Variants in NKAIN2 observed in about 807,000 individuals in gnomAD.
NKAIN2 encodes sodium/potassium transporting ATPase interacting 2.
In NKAIN2, 14 loss-of-function variants were observed where a neutral mutation model predicts 32.6. The ratio of observed to expected loss-of-function variants is 0.43; its 90% CI spans 0.28 to 0.67. The LOEUF is 0.67. Ranked by LOEUF, NKAIN2 falls within the 30% of genes least tolerant of loss-of-function variation. NKAIN2 has a pLI of 0.17. For missense variants in NKAIN2, 198 were observed against 258.3 expected, an observed-to-expected ratio of 0.77 and a Z score of 1.60; for synonymous variants, 80 against 87.2, an observed-to-expected ratio of 0.92 and a Z score of 0.46.
At chr6:124,336,670 TTTTTTTTGTTTG>T (rs1562497160) in intron 2 of NKAIN2, among the ~76,000 whole-genome samples, 3 of 146,726 alleles carry the variant, frequency 2.0e-5, no homozygotes, top group Non-Finnish European at 4.6e-5. Context: ...AATAGTTTGT[TTTTTTTTGTTTG>T]TTTTTTTTTT....
chr6:124,429,785 G>A (rs1025867045), intron 3 of NKAIN2, among the ~76,000 whole-genome samples: 4 of 152,136 alleles, frequency 2.6e-5, no homozygotes, highest in African/African-American at 9.7e-5. Context: ...GTCTCTAGCA[G>A]CTACTGCTCC....
chr6:124,820,512 AT>A (rs1283108685), intron 6 of NKAIN2, among the ~76,000 whole-genome samples: 5 of 152,232 alleles, frequency 3.3e-5, no homozygotes, highest in African/African-American at 1.2e-4. Context: ...TGGTAGAATA[AT>A]GCTTGTGTTA....
At chr6:124,331,747 C>G (rs992112543) in intron 2 of NKAIN2, among the ~76,000 whole-genome samples, 6 of 152,064 alleles carry the variant, frequency 3.9e-5, no homozygotes, top group Non-Finnish European at 8.8e-5. Context: ...ACTAAGAAGC[C>G]TCATACATAG....
chr6:124,649,591 C>T (rs1784294087), intron 3 of NKAIN2, among the ~76,000 whole-genome samples: 1 of 152,128 alleles, frequency 6.6e-6, no homozygotes, highest in African/African-American at 2.4e-5. Context: ...GAAGCAGAGA[C>T]ACTAACTTCG....
intron 1 of NKAIN2, among the ~76,000 whole-genome samples, chr6:123,913,803 GA>G (rs1391153367): frequency 6.6e-6 from 1 of 152,026 alleles, no homozygotes; most frequent in East Asian, 1.9e-4. Flanking sequence ...GTTACTGAAA[GA>G]AAAGAGAAAA....
At chr6:123,975,795 C>T (rs777558094) in intron 1 of NKAIN2, among the ~76,000 whole-genome samples, 1 of 152,068 alleles carries the variant, frequency 6.6e-6, no homozygotes, top group Non-Finnish European at 1.5e-5. Context: ...AAAGGCCCTA[C>T]CTCCTTTCAC....
chr6:124,561,249 T>A (rs549420325), intron 3 of NKAIN2, among the ~76,000 whole-genome samples: 1 of 152,288 alleles, frequency 6.6e-6, no homozygotes, highest in East Asian at 1.9e-4. Flanking sequence ...AATAATCAGT[T>A]TTAACACATT....
intron 2 of NKAIN2, among the ~76,000 whole-genome samples, chr6:124,322,407 G>A (rs540364136): frequency 1.8e-4 from 27 of 152,102 alleles, no homozygotes; most frequent in Admixed American, 1.0e-3. Context: ...TAACTATAGC[G>A]CAATATCCAA....
At chr6:124,040,813 T>G (rs1452093688) in intron 1 of NKAIN2, among the ~76,000 whole-genome samples, 1 of 151,992 alleles carries the variant, frequency 6.6e-6, no homozygotes, top group Non-Finnish European at 1.5e-5. Context: ...AAAAAGGGAA[T>G]GAAAGTGGTA....
rs546905777 is a variant in NKAIN2 at position 124,438,265 on chromosome 6, G to T, written c.273+82918G>T. On this transcript the variant is annotated intron_variant, in intron 3 of 6. Coordinates refer to ENST00000368417, the MANE Select transcript of NKAIN2 (RefSeq NM_001040214.3). ...TTTAACTTATTTCTGCTTCTATAAT[G>T]TTTTTTTTCCAAACACTTCACCTTA... Among the ~76,000 whole-genome samples, 8 of 151,714 alleles carry T rather than the reference G, an allele frequency of 5.3e-5. No individual in the cohort carries two copies. The South Asian group carries it at 1.7e-3, about 32-fold the overall frequency.
chr6:124,342,942 T>C (rs2115090579), intron 2 of NKAIN2, among the ~76,000 whole-genome samples: 1 of 151,358 alleles, frequency 6.6e-6, no homozygotes, highest in East Asian at 2.0e-4. Flanking sequence ...TAACTCATCA[T>C]TTAGCATTAG....
At chr6:124,176,000 G>T (rs2114521300) in intron 1 of NKAIN2, among the ~76,000 whole-genome samples, 1 of 152,112 alleles carries the variant, frequency 6.6e-6, no homozygotes, top group East Asian at 1.9e-4. Flanking sequence ...TCTAGTTTAT[G>T]CAGACTTACC....
chr6:124,687,853 A>G (rs1218544994), intron 4 of NKAIN2, among the ~76,000 whole-genome samples: 1 of 150,032 alleles, frequency 6.7e-6, no homozygotes, highest in Admixed American at 6.8e-5. Context: ...AAAGTATGCA[A>G]TACTGGAGAG....
chr6:124,270,827 T>G (rs1794725805), intron 1 of NKAIN2, among the ~76,000 whole-genome samples: 1 of 152,208 alleles, frequency 6.6e-6, no homozygotes. Flanking sequence ...GATATGGGAA[T>G]AGATTGGAAC....
intron 1 of NKAIN2, among the ~76,000 whole-genome samples, chr6:124,088,420 A>G (rs1264538404): frequency 6.6e-6 from 1 of 151,994 alleles, no homozygotes; most frequent in East Asian, 1.9e-4. Flanking sequence ...AAAATAAAAT[A>G]AAAAATAAAC....
At chr6:124,597,611 A>G (rs1782143179) in intron 3 of NKAIN2, among the ~76,000 whole-genome samples, 1 of 152,074 alleles carries the variant, frequency 6.6e-6, no homozygotes, top group Non-Finnish European at 1.5e-5. Flanking sequence ...AACCAGTAAA[A>G]CATGTTAGTG....
intron 1 of NKAIN2, among the ~76,000 whole-genome samples, chr6:123,966,607 A>G (rs543774159): frequency 1.0e-3 from 153 of 152,312 alleles, no homozygotes; most frequent in African/African-American, 3.6e-3. Flanking sequence ...GAGCTTACAA[A>G]TGGATTTTGT....
intron 1 of NKAIN2, among the ~76,000 whole-genome samples, chr6:124,189,496 C>T (rs529098380): frequency 7.6e-4 from 115 of 152,056 alleles, no homozygotes; most frequent in Non-Finnish European, 1.3e-3. Context: ...GTCAGGAGTT[C>T]GAGACTATCC....
intron 3 of NKAIN2, among the ~76,000 whole-genome samples, chr6:124,652,456 A>G (rs749341969): frequency 6.6e-6 from 1 of 152,042 alleles, no homozygotes; most frequent in Non-Finnish European, 1.5e-5. Context: ...TTCAGCCTCT[A>G]CTCATTACCT....
Sources: gnomAD v4.1 joint callset for allele counts (sites outside exome capture counted in the v4.1 genomes callset) on GRCh38, gnomAD v4.1.1 for gene constraint, MANE v1.5 for transcripts, NCBI Gene and HGNC (gene_info 2026-07-23, HGNC 2026-07-21) for gene names.